DNAH12: variants seen among roughly 807,000 people sequenced by gnomAD.
The protein encoded by DNAH12 is dynein axonemal heavy chain 12, also known as axonemal beta dynein heavy chain 12.
Under a neutral mutation model 371.5 loss-of-function variants are expected in DNAH12, and 285 were observed. That is an observed-to-expected ratio of 0.77 (90% CI 0.70 to 0.85). The LOEUF (loss-of-function observed/expected upper bound fraction) is 0.85. DNAH12 is among the 40% of genes least tolerant of loss of function. DNAH12 has a pLI of 0.00. For missense variants in DNAH12, 3,611 were observed against 3,689.4 expected, an observed-to-expected ratio of 0.98 and a Z score of 0.55; for synonymous variants, 1,200 against 1,213.0, an observed-to-expected ratio of 0.99 and a Z score of 0.22.
intron 37 of DNAH12, among the ~76,000 whole-genome samples, chr3:57,416,334 C>T (rs1216289897): frequency 1.3e-5 from 2 of 152,176 alleles, no homozygotes; most frequent in Non-Finnish European, 2.9e-5. Context: ...TCAAGTGATC[C>T]TCTTGTCCCA....
chr3:57,326,882 A>G (rs1037043322), intron 62 of DNAH12, among the ~76,000 whole-genome samples: 13 of 152,202 alleles, frequency 8.5e-5, no homozygotes, highest in Non-Finnish European at 1.6e-4. Flanking sequence ...AAGCAAATGG[A>G]AAACAAAAAA....
At chr3:57,519,273 AT>A (rs1324499874) in intron 4 of DNAH12, among the ~76,000 whole-genome samples, 3 of 152,304 alleles carry the variant, frequency 2.0e-5, no homozygotes, top group Admixed American at 6.5e-5. Context: ...TTACCATAAC[AT>A]TCTTTTTTAA....
intron 23 of DNAH12, among the ~76,000 whole-genome samples, chr3:57,454,111 A>AAC (rs1017852114): frequency 1.1e-4 from 17 of 151,542 alleles, no homozygotes; most frequent in African/African-American, 4.8e-5. Flanking sequence ...CCTGTCTCTA[A>AAC]ACACACACAC....
intron 29 of DNAH12, among the ~76,000 whole-genome samples, chr3:57,443,276 ATTTTTGTAT>A (rs2065367723): frequency 6.6e-6 from 1 of 151,822 alleles, no homozygotes; most frequent in African/African-American, 2.4e-5. Context: ...TGCCCCGCTA[ATTTTTGTAT>A]TTTTAGCAGA....
chr3:57,530,268 T>C (rs1314131198), intron 2 of DNAH12: 2 of 268,836 alleles, frequency 7.4e-6, no homozygotes, highest in African/African-American at 4.4e-5. Flanking sequence ...CTTATTATAC[T>C]TTCTATGTCT....
chr3:57,531,420 C>G (rs1212232214), intron 2 of DNAH12, among the ~76,000 whole-genome samples: 3 of 151,994 alleles, frequency 2.0e-5, no homozygotes, highest in Non-Finnish European at 4.4e-5. Context: ...TCTTCTGTTG[C>G]TTTTAGGATC....
intron 60 of DNAH12, among the ~76,000 whole-genome samples, chr3:57,343,894 G>A (rs1313313559): frequency 2.0e-5 from 3 of 152,110 alleles, no homozygotes; most frequent in Non-Finnish European, 1.5e-5. Context: ...CCACATACAC[G>A]TCTAGGCATA....
intron 43 of DNAH12, among the ~76,000 whole-genome samples, chr3:57,394,871 G>A (rs903823311): frequency 6.6e-6 from 1 of 152,100 alleles, no homozygotes; most frequent in Non-Finnish European, 1.5e-5. Context: ...TTATGCAGGG[G>A]TCAACTGCAA....
chr3:57,325,482 G>A (rs138277253), intron 62 of DNAH12, among the ~76,000 whole-genome samples: 5,055 of 152,278 alleles, frequency 0.033, 265 homozygotes, highest in African/African-American at 0.11. Flanking sequence ...TGGACCTCTA[G>A]CAAACTCCAA....
intron 12 of DNAH12, among the ~76,000 whole-genome samples, chr3:57,485,343 A>C (rs2066888162): frequency 6.6e-6 from 1 of 152,214 alleles, no homozygotes; most frequent in Admixed American, 6.5e-5. Context: ...AATACTACTT[A>C]GCCATAAAAA....
chr3:57,388,246 G>A (rs2063535753), intron 45 of DNAH12, among the ~76,000 whole-genome samples: 1 of 152,006 alleles, frequency 6.6e-6, no homozygotes, highest in African/African-American at 2.4e-5. Flanking sequence ...CTCATATACT[G>A]ACTTACCAGA....
chr3:57,440,736 C>A (rs1184731271), intron 29 of DNAH12, among the ~76,000 whole-genome samples: 1 of 152,052 alleles, frequency 6.6e-6, no homozygotes, highest in African/African-American at 2.4e-5. Flanking sequence ...GCCTGTAATC[C>A]CAGCACTTTG....
In DNAH12 at chr3:57,296,857, T is replaced by C; in HGVS notation, c.11522A>G (p.Tyr3841Cys). 6.4e-7 allele frequency: 1 copy of C among 1,551,544 alleles called. No homozygotes were observed. The highest frequency in any genetic ancestry group is 1.2e-5 in the South Asian group (1 of 84,034). ...KYTTPIDLLGYEFEVIPSDTS... is the reference protein window; with the variant it reads ...KYTTPIDLLGCEFEVIPSDTS... ...AAGGAGTTACTATACCTCAAATTCA[T>C]ATCCTAGCAAATCAATAGGGGTGGT... The change falls in exon 71 of 74, where the codon TAT becomes TGT. Residue 3841 changes from tyrosine to cysteine, a missense_variant. By Grantham distance (194) the Tyr-to-Cys change is radical. Transcript: ENST00000495027.
At chr3:57,362,595 A>T (rs1344136148) in intron 58 of DNAH12, among the ~76,000 whole-genome samples, 3 of 151,978 alleles carry the variant, frequency 2.0e-5, no homozygotes, top group African/African-American at 7.3e-5. Flanking sequence ...TGTGGTTTTG[A>T]TTTGCATTTC....
At position 57,494,656 on chromosome 3, in the gene DNAH12, G is replaced by A. The variant is rs145761401; in HGVS notation, c.1336-4969C>T. ...ATTAGGCAAGAAAAATAAGTAAAAC[G>A]AACTCAGATTAGAAAGGAAGTAAGA... is the stretch of plus-strand genomic sequence containing the variant. On this transcript the variant is annotated intron_variant, in intron 11 of 73. Coordinates refer to ENST00000495027, the MANE Select transcript of DNAH12 (RefSeq NM_001366028.2). Among the ~76,000 whole-genome samples, 18 of 152,182 alleles carry A rather than the reference G, an allele frequency of 1.2e-4. 1 individual carries two copies. The East Asian group carries it at 3.1e-3, about 26-fold the overall frequency.
intron 13 of DNAH12, among the ~76,000 whole-genome samples, chr3:57,479,112 T>C (rs1023820241): frequency 2.7e-5 from 4 of 149,902 alleles, no homozygotes; most frequent in Non-Finnish European, 4.4e-5. Context: ...ATGCTCCAAT[T>C]AAAAGACACA....
intron 37 of DNAH12, among the ~76,000 whole-genome samples, chr3:57,417,634 CTG>C (rs1438006799): frequency 1.3e-5 from 2 of 152,106 alleles, no homozygotes; most frequent in African/African-American, 2.4e-5. Flanking sequence ...TGAATAGTAC[CTG>C]TGTCTTTGTC....
chr3:57,306,943 C>T (rs1197084709), intron 69 of DNAH12, among the ~76,000 whole-genome samples: 17 of 152,152 alleles, frequency 1.1e-4, no homozygotes, highest in African/African-American at 3.9e-4. Flanking sequence ...AACATGCTTT[C>T]TTTACTATTC....
chr3:57,475,773 T>A (rs2066503730), intron 13 of DNAH12, among the ~76,000 whole-genome samples: 1 of 152,206 alleles, frequency 6.6e-6, no homozygotes, highest in South Asian at 2.1e-4. Context: ...CAAAATTTAA[T>A]CCATCTCACA....
Sources: gnomAD v4.1 joint callset for allele counts (sites outside exome capture counted in the v4.1 genomes callset) on GRCh38, gnomAD v4.1.1 for gene constraint, MANE v1.5 for transcripts, NCBI Gene and HGNC (gene_info 2026-07-23, HGNC 2026-07-21) for gene names.